The following C8orf34 variants were observed in gnomAD, a reference collection of about 807,000 sequenced individuals.
C8orf34 encodes uncharacterized protein C8orf34.
A neutral mutation model predicts 68.3 loss-of-function variants in C8orf34; 65 were observed. The ratio of observed to expected loss-of-function variants is 0.95; its 90% CI spans 0.78 to 1.17. C8orf34 has a LOEUF of 1.17. C8orf34 is among the 50% of genes most tolerant of loss of function. C8orf34 has a pLI of 0.00. For synonymous variants in C8orf34, 244 were observed against 241.2 expected (o/e 1.01, Z -0.11); for missense variants, 664 against 655.4 (o/e 1.01, Z -0.14).
chr8:68,375,253 G>A (rs762323800), intron 1 of C8orf34, among the ~76,000 whole-genome samples: 2 of 152,144 alleles, frequency 1.3e-5, no homozygotes, highest in Non-Finnish European at 2.9e-5. Context: ...TGTTTTGATT[G>A]TGCAGTCCTA....
chr8:68,487,321 G>A lies in C8orf34; in HGVS notation c.737-702G>A, dbSNP rs547802273. On this transcript the variant is annotated intron_variant, in intron 4 of 13. Transcript: ENST00000518698. Reference sequence around the variant, plus strand: ...AAAGGAGAACAGAAAAGAGAGGACAGCATTTCAGTAAAGTGGAATTGATAG... The same window carrying A: ...AAAGGAGAACAGAAAAGAGAGGACAACATTTCAGTAAAGTGGAATTGATAG... Among the ~76,000 whole-genome samples the A allele has an allele frequency of 3.3e-5, 5 of 152,262 alleles. No individual in the cohort carries two copies. In the East Asian group the frequency reaches 9.7e-4, roughly 29 times the overall value.
chr8:68,489,720 T>C (rs1813230613), intron 5 of C8orf34, among the ~76,000 whole-genome samples: 1 of 152,118 alleles, frequency 6.6e-6, no homozygotes, highest in South Asian at 2.1e-4. Context: ...GCTCAACCTC[T>C]ACAAAAAATG....
At chr8:68,447,711 G>A (rs1274111900) in intron 3 of C8orf34, 2 of 152,208 alleles carry the variant, frequency 1.3e-5, no homozygotes, top group African/African-American at 2.4e-5. Flanking sequence ...AACTTTGTGA[G>A]CAGCTTCATT....
chr8:68,646,197 A>G (rs996766926), intron 8 of C8orf34, among the ~76,000 whole-genome samples: 2 of 152,094 alleles, frequency 1.3e-5, no homozygotes, highest in Admixed American at 1.3e-4. Context: ...CCCTACTGTC[A>G]CAGTGTCTGA....
chr8:68,440,594 C>T (rs935864577), intron 2 of C8orf34, among the ~76,000 whole-genome samples: 16 of 152,058 alleles, frequency 1.1e-4, no homozygotes, highest in Non-Finnish European at 2.2e-4. Context: ...AAAGAAGAAA[C>T]TCTTACTTGT....
intron 7 of C8orf34, among the ~76,000 whole-genome samples, chr8:68,544,939 A>G (rs1815822230): frequency 6.6e-6 from 1 of 152,224 alleles, no homozygotes. Flanking sequence ...AATTATGCAG[A>G]TAATGAAAGA....
chr8:68,814,288 A>G (rs1217712841), intron 12 of C8orf34, among the ~76,000 whole-genome samples: 2 of 152,184 alleles, frequency 1.3e-5, no homozygotes, highest in African/African-American at 2.4e-5. Context: ...GAGCCCAGCA[A>G]CCTGTGTTTT....
chr8:68,598,155 A>G (rs1817599809), intron 7 of C8orf34, among the ~76,000 whole-genome samples: 2 of 152,132 alleles, frequency 1.3e-5, no homozygotes, highest in African/African-American at 2.4e-5. Context: ...ACTAGTGACA[A>G]TCAAGGAAGA....
At chr8:68,344,520 T>G (rs1585951888) in intron 1 of C8orf34, among the ~76,000 whole-genome samples, 1 of 152,220 alleles carries the variant, frequency 6.6e-6, no homozygotes, top group Admixed American at 6.5e-5. Context: ...TCTTCTATAG[T>G]TTTGCAAAAT....
chr8:68,353,640 T>TA (rs1563371141), intron 1 of C8orf34, among the ~76,000 whole-genome samples: 4 of 47,030 alleles, frequency 8.5e-5, no homozygotes, highest in Admixed American at 2.0e-4. Flanking sequence ...ATATATATTA[T>TA]ATATATATAT....
At chr8:68,666,361 G>A (rs536147927) in intron 8 of C8orf34, among the ~76,000 whole-genome samples, 223 of 152,322 alleles carry the variant, frequency 1.5e-3, no homozygotes, top group Non-Finnish European at 2.9e-3. Flanking sequence ...TCATTAACAA[G>A]CAGTGAGAAT....
intron 1 of C8orf34, among the ~76,000 whole-genome samples, chr8:68,420,924 G>A (rs1586102934): frequency 1.3e-5 from 2 of 151,760 alleles, no homozygotes; most frequent in South Asian, 2.1e-4. Flanking sequence ...CAGTGAGAAA[G>A]TCTAATGCAG....
intron 8 of C8orf34, among the ~76,000 whole-genome samples, chr8:68,660,978 G>A (rs142579490): frequency 1.2e-4 from 18 of 152,270 alleles, no homozygotes; most frequent in African/African-American, 4.3e-4. Flanking sequence ...TATGCAAATA[G>A]TTTCTTCCAA....
intron 11 of C8orf34, among the ~76,000 whole-genome samples, chr8:68,781,685 T>C (rs926176590): frequency 6.6e-6 from 1 of 152,214 alleles, no homozygotes; most frequent in Non-Finnish European, 1.5e-5. Flanking sequence ...TTGGCACTGA[T>C]AAAGTGAACA....
intron 4 of C8orf34, among the ~76,000 whole-genome samples, chr8:68,473,193 G>A (rs1812455004): frequency 6.6e-6 from 1 of 152,106 alleles, no homozygotes; most frequent in Non-Finnish European, 1.5e-5. Context: ...AAAGAAAAAG[G>A]AGAACAGTTC....
intron 10 of C8orf34, among the ~76,000 whole-genome samples, chr8:68,774,263 G>C (rs546757297): frequency 6.7e-6 from 1 of 148,818 alleles, no homozygotes; most frequent in African/African-American, 2.5e-5. Context: ...TCCGAATGAG[G>C]GTAAGATAGT....
intron 7 of C8orf34, among the ~76,000 whole-genome samples, chr8:68,537,232 A>T (rs1260806027): frequency 6.6e-6 from 1 of 152,082 alleles, no homozygotes; most frequent in Non-Finnish European, 1.5e-5. Flanking sequence ...CTAAATGTTT[A>T]AAGAAAAATC....
rs187561261 is a variant in C8orf34, at chr8:68,773,910, G to A, written c.1405-2489G>A. On this transcript the variant is annotated intron_variant, in intron 10 of 13. Transcript: ENST00000518698. ...ATATTCGATCATTAAGAAAACCCACGGTCATCACCAGGTCTTAGCAGAAGA... is the reference window on the plus strand; with the variant it reads ...ATATTCGATCATTAAGAAAACCCACAGTCATCACCAGGTCTTAGCAGAAGA... Among the ~76,000 whole-genome samples, 17 of 152,208 alleles carry A rather than the reference G, an allele frequency of 1.1e-4. 1 individual carries two copies. The East Asian group carries it at 2.7e-3, about 24-fold the overall frequency.
chr8:68,503,711 A>C (rs1813880501), intron 5 of C8orf34, among the ~76,000 whole-genome samples: 1 of 150,796 alleles, frequency 6.6e-6, no homozygotes, highest in African/African-American at 2.4e-5. Context: ...TCCAAATAAG[A>C]AAACTGAGGC....
Sources: gnomAD v4.1 joint callset for allele counts (sites outside exome capture counted in the v4.1 genomes callset) on GRCh38, gnomAD v4.1.1 for gene constraint, MANE v1.5 for transcripts, NCBI Gene and HGNC (gene_info 2026-07-23, HGNC 2026-07-21) for gene names.